PTPRD: variants seen among roughly 807,000 people sequenced by gnomAD.
PTPRD encodes receptor-type tyrosine-protein phosphatase delta.
Under a neutral mutation model 214.5 loss-of-function variants are expected in PTPRD, and 34 were observed. The observed-to-expected ratio is 0.16, with a 90% confidence interval of 0.12 to 0.21. PTPRD has a LOEUF of 0.21. Ranked by LOEUF, PTPRD falls within the 10% of genes least tolerant of loss-of-function variation. The probability of loss-of-function intolerance (pLI) is 1.00; values close to 1 mark genes in which losing one functional copy is unlikely to be tolerated. For synonymous variants in PTPRD, 1,128 were observed against 845.7 expected (o/e 1.33, Z -5.79); for missense variants, 2,545 against 2,398.7 (o/e 1.06, Z -1.27).
intron 34 of PTPRD, among the ~76,000 whole-genome samples, chr9:8,446,672 GATA>G (rs1463401818): frequency 6.6e-6 from 1 of 152,016 alleles, no homozygotes; most frequent in Non-Finnish European, 1.5e-5. Context: ...AATGTTTGGG[GATA>G]AGCAATTATA....
At chr9:8,355,895 G>A (rs1277526196) in intron 39 of PTPRD, among the ~76,000 whole-genome samples, 1 of 151,992 alleles carries the variant, frequency 6.6e-6, no homozygotes. Context: ...GAGGATACAG[G>A]CACATTGCTA....
chr9:10,259,205 T>C (rs1026701464), intron 3 of PTPRD, among the ~76,000 whole-genome samples: 4 of 152,024 alleles, frequency 2.6e-5, no homozygotes, highest in Non-Finnish European at 5.9e-5. Context: ...TTTGTATTTT[T>C]AGTAGAGAAG....
At chr9:9,132,291 G>A (rs1007341812) in intron 10 of PTPRD, among the ~76,000 whole-genome samples, 2 of 152,174 alleles carry the variant, frequency 1.3e-5, no homozygotes, top group East Asian at 1.9e-4. Context: ...TTACAGGCGT[G>A]AGCCACCATG....
At chr9:8,713,776 C>T in intron 12 of PTPRD, 1 of 1,539,738 alleles carries the variant, frequency 6.5e-7, no homozygotes, top group Non-Finnish European at 8.8e-7. Context: ...CCCGCTGCCC[C>T]ACCGGGTCCT....
chr9:10,458,492 T>C (rs144645360), intron 2 of PTPRD, among the ~76,000 whole-genome samples: 2 of 152,270 alleles, frequency 1.3e-5, no homozygotes, highest in East Asian at 3.9e-4. Context: ...AAATTCAACG[T>C]TCTTTCTTGA....
chr9:8,934,276 C>T (rs898008963), intron 11 of PTPRD, among the ~76,000 whole-genome samples: 11 of 149,300 alleles, frequency 7.4e-5, no homozygotes, highest in African/African-American at 2.5e-4. Context: ...AAGGCCCATC[C>T]TCCTAAATTC....
At chr9:8,852,078 T>C (rs2814720) in intron 11 of PTPRD, among the ~76,000 whole-genome samples, 2,745 of 152,140 alleles carry the variant, frequency 0.018, 82 homozygotes, top group African/African-American at 0.062. Context: ...AAAAGATGTC[T>C]CTTGTTACTT....
At chr9:9,314,853 A>T (rs928798276) in intron 9 of PTPRD, among the ~76,000 whole-genome samples, 1 of 152,018 alleles carries the variant, frequency 6.6e-6, no homozygotes, top group African/African-American at 2.4e-5. Flanking sequence ...CTGATGAAAT[A>T]CCATAGGCAC....
intron 3 of PTPRD, among the ~76,000 whole-genome samples, chr9:10,187,484 T>C (rs1003067969): frequency 2.0e-5 from 3 of 152,242 alleles, no homozygotes; most frequent in African/African-American, 7.2e-5. Context: ...GATTCTTTCT[T>C]TGGAATCCCA....
intron 12 of PTPRD, among the ~76,000 whole-genome samples, chr9:8,667,865 G>A (rs2097200357): frequency 6.6e-6 from 1 of 151,970 alleles, no homozygotes; most frequent in African/African-American, 2.4e-5. Flanking sequence ...GATTCTACAG[G>A]CAATTAATGC....
intron 2 of PTPRD, among the ~76,000 whole-genome samples, chr9:10,602,737 T>A (rs1210587291): frequency 6.6e-6 from 1 of 151,804 alleles, no homozygotes; most frequent in Non-Finnish European, 1.5e-5. Flanking sequence ...GAAGGCCAAT[T>A]TTTGGTTTTC....
chr9:10,325,527 T>C (rs921234815), intron 3 of PTPRD, among the ~76,000 whole-genome samples: 32 of 152,082 alleles, frequency 2.1e-4, no homozygotes, highest in African/African-American at 7.2e-4. Flanking sequence ...AAAGTAATAA[T>C]GAGGAATTGC....
chr9:8,556,135 C>T (rs975565664), intron 14 of PTPRD, among the ~76,000 whole-genome samples: 2 of 152,182 alleles, frequency 1.3e-5, no homozygotes, highest in Admixed American at 6.5e-5. Flanking sequence ...GTCATTCTTA[C>T]ACTACTCTGT....
intron 3 of PTPRD, among the ~76,000 whole-genome samples, chr9:10,263,380 A>G (rs987056176): frequency 3.3e-5 from 5 of 152,138 alleles, no homozygotes; most frequent in Non-Finnish European, 7.3e-5. Context: ...CGAAGTTTGG[A>G]ATTTCCTAGA....
chr9:9,641,521 C>G (rs2095953210), intron 7 of PTPRD, among the ~76,000 whole-genome samples: 1 of 152,076 alleles, frequency 6.6e-6, no homozygotes, highest in African/African-American at 2.4e-5. Flanking sequence ...GTGTGTCAGG[C>G]CAGATCTCAC....
intron 8 of PTPRD, among the ~76,000 whole-genome samples, chr9:9,456,870 C>G (rs990832291): frequency 1.3e-5 from 2 of 151,654 alleles, no homozygotes; most frequent in African/African-American, 4.8e-5. Context: ...GAGCTCTTTA[C>G]TAAAATGTGA....
At position 8,389,278 on chromosome 9, in the gene PTPRD, C is replaced by T. The variant is rs752508898; in HGVS notation, c.4340G>A (p.Arg1447Gln). 9 of 1,612,392 alleles carry T rather than the reference C, an allele frequency of 5.6e-6. No homozygotes were observed. The highest frequency in any genetic ancestry group is 2.7e-5 in the African/African-American group (2 of 74,778). Reference protein sequence around the residue: ...GDFWRMIWEQRSATVVMMTKL... With the variant: ...GDFWRMIWEQQSATVVMMTKL... ...TGTCATCATGACAACTGTGGCACTC[C>T]GTTGTTCCCATATCATTCTCCAAAA... The change falls in exon 37 of 46, where the codon CGG (arginine) becomes CAG (glutamine). Residue 1447 changes from arginine (R) to glutamine (Q), a missense_variant. Arg to Gln is a conservative substitution (Grantham distance 43, BLOSUM62 1). Coordinates refer to ENST00000381196, the MANE Select transcript of PTPRD (RefSeq NM_002839.4).
At chr9:8,550,512 T>C (rs1269270408) in intron 14 of PTPRD, among the ~76,000 whole-genome samples, 1 of 152,208 alleles carries the variant, frequency 6.6e-6, no homozygotes. Context: ...CTTAGTTGGT[T>C]AAATGACCTA....
intron 10 of PTPRD, 49 bp downstream of exon 10, chr9:9,183,255 T>G (rs1250316752): frequency 6.6e-6 from 1 of 151,974 alleles, no homozygotes; most frequent in East Asian, 1.9e-4. Flanking sequence ...CTGTATTAAG[T>G]ATTAGGACCC....
Sources: gnomAD v4.1 joint callset for allele counts (sites outside exome capture counted in the v4.1 genomes callset) on GRCh38, gnomAD v4.1.1 for gene constraint, MANE v1.5 for transcripts, NCBI Gene and HGNC (gene_info 2026-07-23, HGNC 2026-07-21) for gene names.